CRMP1: variants seen among roughly 807,000 people sequenced by gnomAD.
CRMP1 encodes the protein dihydropyrimidinase-related protein 1.
Under a neutral mutation model 68.3 loss-of-function variants are expected in CRMP1, and 19 were observed. That is an observed-to-expected ratio of 0.28 (90% CI 0.19 to 0.41). The LOEUF is 0.41. CRMP1 is among the 10% of genes least tolerant of loss of function. The pLI, the probability that CRMP1 is intolerant of heterozygous loss-of-function variation, is 1.00. For missense variants in CRMP1, 791 were observed against 967.4 expected, an observed-to-expected ratio of 0.82 and a Z score of 2.42; for synonymous variants, 439 against 399.6, an observed-to-expected ratio of 1.10 and a Z score of -1.18.
Position 5,890,140 on chromosome 4 carries a change from A to C in CRMP1, c.381+2449T>G. On this transcript the variant is annotated intron_variant, in intron 1 of 13. Transcript: ENST00000324989. The surrounding 1 kb of genome is among the most constrained non-coding windows in gnomAD (Gnocchi z 5.5). ...CAGATGGGGACACTGTCCCTCCCCAACTCCTACACTCCCTTCCTTGGAGTT... is the reference window on the plus strand; with the variant it reads ...CAGATGGGGACACTGTCCCTCCCCACCTCCTACACTCCCTTCCTTGGAGTT... 2 of 192,218 alleles carry C rather than the reference A, an allele frequency of 1.0e-5. No individual in the cohort carries two copies. Among genetic ancestry groups the C allele is most frequent in the Non-Finnish European group, 2.2e-5 (2 of 92,262 alleles). 11.9% of individuals were successfully genotyped at this position (192,218 alleles called of 1,614,324 possible).
chr4:5,864,468 C>G (rs1334490629), intron 2 of CRMP1, among the ~76,000 whole-genome samples: 2 of 152,238 alleles, frequency 1.3e-5, no homozygotes, highest in African/African-American at 4.8e-5. Flanking sequence ...GATCCAGGTG[C>G]CCTGAGGCTG....
At chr4:5,840,113 G>A (rs1711597135) in intron 8 of CRMP1, among the ~76,000 whole-genome samples, 1 of 152,214 alleles carries the variant, frequency 6.6e-6, no homozygotes, top group African/African-American at 2.4e-5. Context: ...GATTGAGGAA[G>A]TGACATAAGG....
rs1204382155 is a variant in CRMP1, at chr4:5,856,165, C to A, written c.798G>T (p.Leu266=). ...GACCTTTGTCCTGCACCAGCACCTCCAGCTCCTCCCGAACGCCATCGTACC... is the reference window on the plus strand; with the variant it reads ...GACCTTTGTCCTGCACCAGCACCTCAAGCTCCTCCCGAACGCCATCGTACC... The part of the protein sequence containing the change: ...TSWYDGVREE[L]EVLVQDKGVN... Residue 266 remains leucine (L), a synonymous_variant, in exon 4 of 14, where the codon CTG becomes CTT. Coordinates refer to ENST00000324989, the MANE Select transcript of CRMP1 (RefSeq NM_001014809.3). 1 of 1,613,968 alleles carries A rather than the reference C, an allele frequency of 6.2e-7. No homozygotes were observed.
At chr4:5,848,681 GA>G in intron 6 of CRMP1, among the ~76,000 whole-genome samples, 1 of 152,298 alleles carries the variant, frequency 6.6e-6, no homozygotes, top group African/African-American at 2.4e-5. Flanking sequence ...TAATTTTACA[GA>G]AAATAAGTGT....
In CRMP1 at chr4:5,841,687, T is replaced by A. The variant is rs1711740684; in HGVS notation, c.1033-259A>T. On this transcript the variant is annotated intron_variant, in intron 7 of 13. Transcript: ENST00000324989. The surrounding 1 kb of genome is among the most constrained non-coding windows in gnomAD (Gnocchi z 6.9). ...TCCCAGTTCTGTCCTGACCTCACCATGGGCCAGGAACATACAGCTCGTGGC... is the reference window on the plus strand; with the variant it reads ...TCCCAGTTCTGTCCTGACCTCACCAAGGGCCAGGAACATACAGCTCGTGGC... 6.6e-6 allele frequency among the ~76,000 whole-genome samples: 1 copy of A among 152,140 alleles called. No individual in the cohort carries two copies. The highest frequency in any genetic ancestry group is 1.5e-5 in the Non-Finnish European group (1 of 68,012).
Position 5,860,933 on chromosome 4 carries a change from G to T in CRMP1, c.655+93C>A. On this transcript the variant is annotated intron_variant, in intron 3 of 13. Coordinates refer to ENST00000324989, the MANE Select transcript of CRMP1 (RefSeq NM_001014809.3). This position sits in a 1 kb window ranked among gnomAD's most constrained non-coding sequence, Gnocchi z 4.2. ...ATGAAATCCAATGGCACCCTGGGCA[G>T]AGAGCCTCGAACACACTGAGCACTT... is the stretch of plus-strand genomic sequence containing the variant. The T allele has an allele frequency of 7.6e-7, 1 of 1,311,986 alleles. No homozygotes were observed. The highest frequency in any genetic ancestry group is 1.4e-5 in the South Asian group (1 of 70,846). 81.3% of individuals were successfully genotyped at this position (1,311,986 alleles called of 1,614,324 possible).
At chr4:5,839,887 C>A (rs745702389) in intron 8 of CRMP1, among the ~76,000 whole-genome samples, 1 of 152,252 alleles carries the variant, frequency 6.6e-6, no homozygotes, top group African/African-American at 2.4e-5. Context: ...CCCCGCCACG[C>A]GCTCCATGGG....
At chr4:5,880,739 C>CA (rs1342951707) in intron 1 of CRMP1, among the ~76,000 whole-genome samples, 1 of 152,196 alleles carries the variant, frequency 6.6e-6, no homozygotes, top group Non-Finnish European at 1.5e-5. Context: ...CTCCTCATGC[C>CA]ACCTTCATCT....
intron 13 of CRMP1, chr4:5,824,667 G>A (rs1719255331): frequency 1.0e-6 from 1 of 961,222 alleles, no homozygotes; most frequent in Non-Finnish European, 1.2e-6. Context: ...CATCCTAGAT[G>A]TTGACATCCT....
chr4:5,836,211 T>A, intron 10 of CRMP1, 126 bp from the exon 11 acceptor site: 1 of 807,742 alleles, frequency 1.2e-6, no homozygotes, highest in Non-Finnish European at 1.7e-6. Flanking sequence ...CTCTCCCAGC[T>A]AAAAACGTGC....
chr4:5,893,057 G>C lies in CRMP1; in HGVS notation c.-88C>G. 1.1e-6 allele frequency: 1 copy of C among 904,816 alleles called. No individual in the cohort carries two copies. Among genetic ancestry groups the C allele is most frequent in the Non-Finnish European group, 1.3e-6 (1 of 754,096 alleles). 56.0% of individuals were successfully genotyped at this position (904,816 alleles called of 1,614,324 possible). On this transcript the variant is annotated 5_prime_UTR_variant, in exon 1 of 14. Coordinates refer to ENST00000324989, the MANE Select transcript of CRMP1 (RefSeq NM_001014809.3). The stretch of plus-strand genomic sequence containing the variant: ...CGTGCGCCGCGCTCCGCGCCTCGGT[G>C]CGGGCCTGCGGCGGCCCGGGCGCGA...
rs1712909559 is a variant in CRMP1, at chr4:5,854,592, T to C, written c.820+1551A>G. Among the ~76,000 whole-genome samples the C allele has an allele frequency of 6.6e-6, 1 of 151,996 alleles. No homozygotes were observed. The highest frequency in any genetic ancestry group is 1.5e-5 in the Non-Finnish European group (1 of 67,978). On this transcript the variant is annotated intron_variant, in intron 4 of 13. Transcript: ENST00000324989. This position sits in a 1 kb window ranked among gnomAD's most constrained non-coding sequence, Gnocchi z 4.0. ...TTAAACAGACATATGAAAATGCAAA[T>C]TGAAGAGTGGGCAAATAATACAATC...
rs1004400722 is a variant in CRMP1 at position 5,866,570 on chromosome 4, C to T, written c.470+98G>A. The T allele has an allele frequency of 1.6e-4, 134 of 831,862 alleles. No individual in the cohort carries two copies. The highest frequency in any genetic ancestry group is 1.9e-4 in the Non-Finnish European group (95 of 512,838). The allele number at this position is 831,862 out of a possible 1,614,324, so 51.5% of individuals were successfully genotyped here. On this transcript the variant is annotated intron_variant, in intron 2 of 13. Transcript: ENST00000324989. The surrounding 1 kb of genome is among the most constrained non-coding windows in gnomAD (Gnocchi z 5.9). ...TACCCCTGAAACACAGGTACACAGC[C>T]CCGTCATTCTAGGACAGAATGCCAG...
chr4:5,857,403 CATT>C (rs903831838), intron 3 of CRMP1, among the ~76,000 whole-genome samples: 9 of 152,242 alleles, frequency 5.9e-5, no homozygotes, highest in African/African-American at 1.7e-4. Context: ...CCACCATCAT[CATT>C]GTCATACTGC....
In CRMP1 at chr4:5,821,069, C is replaced by A. The variant is rs1277862058; in HGVS notation, c.*691G>T. ...GCCTAGAGCTGGCTTGAAGAACACACACAGACCAGAAGACAGCACGGTGAG... is the reference window on the plus strand; with the variant it reads ...GCCTAGAGCTGGCTTGAAGAACACAAACAGACCAGAAGACAGCACGGTGAG... On this transcript the variant is annotated 3_prime_UTR_variant, in exon 14 of 14. Coordinates refer to ENST00000324989, the MANE Select transcript of CRMP1 (RefSeq NM_001014809.3). This position sits in a 1 kb window ranked among gnomAD's most constrained non-coding sequence, Gnocchi z 4.4. 6.6e-6 allele frequency: 1 copy of A among 152,318 alleles called. No individual in the cohort carries two copies. 9.4% of individuals were successfully genotyped at this position (152,318 alleles called of 1,614,324 possible).
At chr4:5,839,943 G>A (rs1486638085) in intron 8 of CRMP1, among the ~76,000 whole-genome samples, 3 of 152,232 alleles carry the variant, frequency 2.0e-5, no homozygotes, top group African/African-American at 7.2e-5. Flanking sequence ...TATGGCTGTT[G>A]CTTTTACGAT....
At position 5,856,160 on chromosome 4, in the gene CRMP1, A is replaced by G. The variant is rs762280042; in HGVS notation, c.803T>C (p.Val268Ala). 1 of 1,613,828 alleles carries G rather than the reference A, an allele frequency of 6.2e-7. No homozygotes were observed. The highest frequency in any genetic ancestry group is 1.1e-5 in the South Asian group (1 of 91,064). The stretch of plus-strand genomic sequence containing the variant: ...TAACTGACCTTTGTCCTGCACCAGC[A>G]CCTCCAGCTCCTCCCGAACGCCATC... ...WYDGVREELEVLVQDKGVNSF... is the reference protein window; with the variant it reads ...WYDGVREELEALVQDKGVNSF... The change falls in exon 4 of 14, where the codon GTG becomes GCG. Residue 268 changes from valine (V) to alanine (A), a missense_variant. Physicochemically the swap from Val to Ala is moderately conservative, Grantham distance 64 (BLOSUM62 0). This residue lies in a region of CRMP1 where 594 missense variants were observed against 763.6 expected (regional missense o/e 0.78). Transcript: ENST00000324989.
chr4:5,847,371 G>A (rs970406485), intron 6 of CRMP1, among the ~76,000 whole-genome samples: 2 of 152,180 alleles, frequency 1.3e-5, no homozygotes, highest in African/African-American at 4.8e-5. Context: ...AGGGGTGATT[G>A]TAATTTGCAT....
intron 1 of CRMP1, among the ~76,000 whole-genome samples, chr4:5,884,482 G>GCGCACACACACACA (rs10693829): frequency 5.3e-5 from 8 of 150,094 alleles, no homozygotes; most frequent in African/African-American, 2.0e-4. Context: ...AACTATGCAT[G>GCGCACACACACACA]CACACACACA....
Sources: gnomAD v4.1 joint callset for allele counts (sites outside exome capture counted in the v4.1 genomes callset) on GRCh38, gnomAD v4.1.1 for gene constraint, gnomAD v4.1.1 regional missense constraint, Gnocchi (gnomAD v3.1) non-coding constraint, MANE v1.5 for transcripts, NCBI Gene and HGNC (gene_info 2026-07-23, HGNC 2026-07-21) for gene names.